The following PPP2R2A variants were observed in gnomAD, a reference collection of about 807,000 sequenced individuals.
The protein encoded by PPP2R2A is serine/threonine-protein phosphatase 2A 55 kDa regulatory subunit B alpha isoform.
Under a neutral mutation model 53.2 loss-of-function variants are expected in PPP2R2A, and 9 were observed. The ratio of observed to expected loss-of-function variants is 0.17; its 90% confidence interval spans 0.10 to 0.30. The LOEUF (loss-of-function observed/expected upper bound fraction) is 0.30, where lower values mean the gene tolerates loss of function less well. Ranked by LOEUF, PPP2R2A falls within the 10% of genes least tolerant of loss-of-function variation. The pLI is 1.00. For missense variants in PPP2R2A, 235 were observed against 534.6 expected (o/e 0.44, Z 5.53); for synonymous variants, 169 against 174.2 (o/e 0.97, Z 0.23).
chr8:26,342,921 G>A (rs183075880), intron 3 of PPP2R2A, among the ~76,000 whole-genome samples: 4 of 152,290 alleles, frequency 2.6e-5, no homozygotes, highest in East Asian at 1.9e-4. Context: ...GTTGGGGGCC[G>A]TGGCTGATGC....
intron 2 of PPP2R2A, among the ~76,000 whole-genome samples, chr8:26,314,181 C>T (rs1332865886): frequency 6.6e-6 from 1 of 152,154 alleles, no homozygotes; most frequent in Non-Finnish European, 1.5e-5. Context: ...TGGAGTACTT[C>T]GTTTCGTTTT....
intron 2 of PPP2R2A, among the ~76,000 whole-genome samples, chr8:26,335,219 C>G (rs781478256): frequency 5.0e-4 from 76 of 152,162 alleles, no homozygotes; most frequent in Non-Finnish European, 9.4e-4. Flanking sequence ...AATTCATTCT[C>G]CCTTCTTATT....
intron 2 of PPP2R2A, among the ~76,000 whole-genome samples, chr8:26,334,057 A>G (rs965308974): frequency 6.6e-6 from 1 of 152,204 alleles, no homozygotes; most frequent in Non-Finnish European, 1.5e-5. Flanking sequence ...CTACCTTTAT[A>G]TCGCACAATT....
chr8:26,342,062 T>C (rs1803969528), intron 3 of PPP2R2A, among the ~76,000 whole-genome samples: 1 of 152,208 alleles, frequency 6.6e-6, no homozygotes, highest in Admixed American at 6.5e-5. Context: ...TTCAGACTGA[T>C]AATTGTTTAA....
intron 2 of PPP2R2A, among the ~76,000 whole-genome samples, chr8:26,305,065 A>G (rs557750833): frequency 1.4e-4 from 22 of 152,254 alleles, no homozygotes; most frequent in African/African-American, 4.8e-4. Context: ...TACCCGTTAA[A>G]TAACTCCCTT....
intron 2 of PPP2R2A, among the ~76,000 whole-genome samples, chr8:26,298,118 T>C (rs1801622684): frequency 6.6e-6 from 1 of 152,210 alleles, no homozygotes; most frequent in Admixed American, 6.5e-5. Context: ...GGGAGGCCCT[T>C]GTGGGCTATC....
chr8:26,349,151 C>T (rs1804365803), intron 3 of PPP2R2A, among the ~76,000 whole-genome samples: 1 of 152,112 alleles, frequency 6.6e-6, no homozygotes, highest in Non-Finnish European at 1.5e-5. Context: ...GCCTTTCTGT[C>T]ACTAAAACAA....
chr8:26,361,617 T>G (rs1805087713), intron 6 of PPP2R2A, among the ~76,000 whole-genome samples: 1 of 152,046 alleles, frequency 6.6e-6, no homozygotes, highest in Non-Finnish European at 1.5e-5. Flanking sequence ...AAAAAAATTT[T>G]TTTTCTTCTA....
chr8:26,333,458 T>C, intron 2 of PPP2R2A: 1 of 1,119,548 alleles, frequency 8.9e-7, no homozygotes, highest in Middle Eastern at 2.7e-4. Flanking sequence ...GTTATAACCC[T>C]CTTTGCACTT....
intron 2 of PPP2R2A, among the ~76,000 whole-genome samples, chr8:26,299,359 T>C (rs1232092605): frequency 1.3e-5 from 2 of 152,342 alleles, no homozygotes; most frequent in Admixed American, 1.3e-4. Flanking sequence ...TATCAGATGT[T>C]ATTAAATATT....
intron 2 of PPP2R2A, among the ~76,000 whole-genome samples, chr8:26,311,763 TC>T (rs1408503544): frequency 1.3e-5 from 2 of 152,204 alleles, no homozygotes; most frequent in East Asian, 3.8e-4. Flanking sequence ...TTTCTCCAGT[TC>T]CTCCAGTGTT....
At chr8:26,336,018 C>A (rs568800424) in intron 2 of PPP2R2A, among the ~76,000 whole-genome samples, 117 of 152,340 alleles carry the variant, frequency 7.7e-4, no homozygotes, top group African/African-American at 2.5e-3. Flanking sequence ...CTTCCATTCA[C>A]ATGTTCAGTG....
At chr8:26,295,681 A>G (rs933323152) in intron 2 of PPP2R2A, among the ~76,000 whole-genome samples, 2 of 152,246 alleles carry the variant, frequency 1.3e-5, no homozygotes, top group African/African-American at 2.4e-5. Flanking sequence ...TAAAATGCTG[A>G]TACTTGGTAT....
chr8:26,344,059 A>G (rs1277578453), intron 3 of PPP2R2A, among the ~76,000 whole-genome samples: 2 of 152,148 alleles, frequency 1.3e-5, no homozygotes, highest in African/African-American at 4.8e-5. Context: ...ATCCAAAGTC[A>G]TACAGTTAAT....
intron 2 of PPP2R2A, among the ~76,000 whole-genome samples, chr8:26,332,194 A>G (rs1017094570): frequency 6.6e-6 from 1 of 152,060 alleles, no homozygotes; most frequent in Non-Finnish European, 1.5e-5. Flanking sequence ...TCTCTACTAA[A>G]AATACAAAAA....
At chr8:26,319,492 T>C (rs1439904988) in intron 2 of PPP2R2A, among the ~76,000 whole-genome samples, 1 of 152,230 alleles carries the variant, frequency 6.6e-6, no homozygotes, top group Admixed American at 6.5e-5. Flanking sequence ...TTTATACTTC[T>C]AGGTCTTTAG....
intron 2 of PPP2R2A, chr8:26,333,635 A>G (rs1040099501): frequency 3.1e-5 from 23 of 752,580 alleles, no homozygotes; most frequent in Non-Finnish European, 4.0e-5. Context: ...TATTTGTTAC[A>G]CCCATTTATA....
chr8:26,331,036 C>T (rs1281905207), intron 2 of PPP2R2A, among the ~76,000 whole-genome samples: 3 of 152,106 alleles, frequency 2.0e-5, no homozygotes, highest in African/African-American at 7.2e-5. Context: ...TTTTTCAGAG[C>T]CTCATGTCAC....
At chr8:26,335,305 G>A (rs1803598014) in intron 2 of PPP2R2A, among the ~76,000 whole-genome samples, 1 of 152,154 alleles carries the variant, frequency 6.6e-6, no homozygotes, top group South Asian at 2.1e-4. Context: ...AGCTTTCAAA[G>A]CATCATCCAT....
Sources: allele counts gnomAD v4.1 joint callset (sites outside exome capture counted in the v4.1 genomes callset), GRCh38; gene constraint gnomAD v4.1.1; transcripts MANE v1.5; gene names NCBI Gene and HGNC (gene_info 2026-07-23, HGNC 2026-07-21).